MAPK10: variants seen among roughly 807,000 people sequenced by gnomAD.
The protein encoded by MAPK10 is mitogen-activated protein kinase 10, also known as JNK3 alpha protein kinase.
Under a neutral mutation model 59.3 loss-of-function variants are expected in MAPK10, and 25 were observed. The ratio of observed to expected loss-of-function variants is 0.42; its 90% CI spans 0.31 to 0.59. MAPK10 has a LOEUF of 0.59. Ranked by LOEUF, MAPK10 falls within the 20% of genes least tolerant of loss-of-function variation. The pLI, the probability that MAPK10 is intolerant of heterozygous loss-of-function variation, is 0.15. For synonymous variants in MAPK10, 190 were observed against 200.5 expected (o/e 0.95, Z 0.44); for missense variants, 351 against 568.9 (o/e 0.62, Z 3.90).
chr4:86,090,932 A>C (rs2052999197), intron 9 of MAPK10: 1 of 152,136 alleles, frequency 6.6e-6, no homozygotes, highest in South Asian at 2.1e-4. Flanking sequence ...GTTTTTTACA[A>C]TATCTCTGGC....
intron 2 of MAPK10, among the ~76,000 whole-genome samples, chr4:86,352,860 C>A (rs1252093323): frequency 6.6e-6 from 1 of 152,160 alleles, no homozygotes; most frequent in Non-Finnish European, 1.5e-5. Context: ...GAAACAAAAT[C>A]CAAACTCCTT....
At chr4:86,390,565 C>T (rs976196284) in intron 1 of MAPK10, among the ~76,000 whole-genome samples, 6 of 152,124 alleles carry the variant, frequency 3.9e-5, no homozygotes, top group Admixed American at 1.3e-4. Flanking sequence ...GTGTGCCTTC[C>T]TCAAGTCTGA....
intron 2 of MAPK10, among the ~76,000 whole-genome samples, chr4:86,226,035 TA>T (rs2090555541): frequency 6.6e-6 from 1 of 152,240 alleles, no homozygotes; most frequent in South Asian, 2.1e-4. Context: ...ACCTTTTGAT[TA>T]TGACAGCATA....
chr4:86,399,477 T>C (rs776765134), intron 1 of MAPK10, among the ~76,000 whole-genome samples: 3 of 152,206 alleles, frequency 2.0e-5, no homozygotes, highest in Non-Finnish European at 4.4e-5. Context: ...GTCAAGTTCT[T>C]ATAGATTCTG....
chr4:86,244,692 T>C (rs1048630788), intron 2 of MAPK10, among the ~76,000 whole-genome samples: 4 of 152,176 alleles, frequency 2.6e-5, no homozygotes, highest in Non-Finnish European at 1.5e-5. Context: ...GCATAAAGTG[T>C]GTACGTGCAT....
At chr4:86,184,272 A>G (rs966365675) in intron 3 of MAPK10, among the ~76,000 whole-genome samples, 2 of 151,918 alleles carry the variant, frequency 1.3e-5, no homozygotes, top group African/African-American at 4.8e-5. Context: ...TTATGGTTTT[A>G]TGTCGGTTGG....
chr4:86,233,086 G>A (rs1190629465), intron 2 of MAPK10, among the ~76,000 whole-genome samples: 1 of 152,162 alleles, frequency 6.6e-6, no homozygotes, highest in Admixed American at 6.5e-5. Flanking sequence ...CCATTTCGAA[G>A]ATGAGATCCA....
chr4:86,260,214 T>A (rs914268157), intron 2 of MAPK10, among the ~76,000 whole-genome samples: 1 of 152,118 alleles, frequency 6.6e-6, no homozygotes, highest in Non-Finnish European at 1.5e-5. Context: ...GGCTGTTTGA[T>A]TCTAGAGCTT....
At chr4:86,224,453 G>A (rs1163119031) in intron 2 of MAPK10, among the ~76,000 whole-genome samples, 2 of 152,170 alleles carry the variant, frequency 1.3e-5, no homozygotes. Context: ...GAAGGGAACA[G>A]AGTTCCAGGT....
chr4:86,308,050 C>G (rs1165166822), intron 2 of MAPK10, among the ~76,000 whole-genome samples: 1 of 151,930 alleles, frequency 6.6e-6, no homozygotes, highest in Non-Finnish European at 1.5e-5. Flanking sequence ...AAAGGCCTGT[C>G]GAAAATGACT....
At position 86,013,329 on chromosome 4, in the gene MAPK10, A is replaced by C. The variant is rs1403664724; in HGVS notation, c.*3899T>G. ...GGAAAATGTTGAACTCTTATAATTAAAATGTGTGTGGGGGATTGTGAGTGG... is the reference window on the plus strand; with the variant it reads ...GGAAAATGTTGAACTCTTATAATTACAATGTGTGTGGGGGATTGTGAGTGG... On this transcript the variant is annotated 3_prime_UTR_variant, in exon 14 of 14. Coordinates refer to ENST00000641462, the MANE Select transcript of MAPK10 (RefSeq NM_138982.4). 1 of 152,116 alleles carries C rather than the reference A, an allele frequency of 6.6e-6. No individual in the cohort carries two copies. The highest frequency in any genetic ancestry group is 1.9e-4 in the East Asian group (1 of 5,194). The allele number at this position is 152,116 out of a possible 1,614,324, so 9.4% of individuals were successfully genotyped here. A position where few individuals can be genotyped will look rare whatever the true frequency, so the allele number is the denominator to read the frequency against.
chr4:86,564,660 T>C (rs973827473), intron 1 of MAPK10, among the ~76,000 whole-genome samples: 3 of 152,160 alleles, frequency 2.0e-5, no homozygotes, highest in African/African-American at 7.2e-5. Context: ...CATGCACATA[T>C]AGCGCCATGA....
intron 11 of MAPK10, among the ~76,000 whole-genome samples, chr4:86,042,407 T>G (rs2041743688): frequency 6.6e-6 from 1 of 152,064 alleles, no homozygotes; most frequent in Admixed American, 6.6e-5. Flanking sequence ...GGTTGATAGG[T>G]GCAGCAAACC....
intron 2 of MAPK10, among the ~76,000 whole-genome samples, chr4:86,222,648 C>A (rs2089888149): frequency 6.6e-6 from 1 of 152,182 alleles, no homozygotes; most frequent in Non-Finnish European, 1.5e-5. Context: ...TAAAAATAAA[C>A]CTTTGTCTTT....
At chr4:86,552,190 C>A (rs529177132) in intron 1 of MAPK10, among the ~76,000 whole-genome samples, 1 of 151,574 alleles carries the variant, frequency 6.6e-6, no homozygotes, top group Non-Finnish European at 1.5e-5. Context: ...GAGGCCGAGG[C>A]GGGAGGATCT....
intron 4 of MAPK10, among the ~76,000 whole-genome samples, chr4:86,157,803 C>T (rs2068282101): frequency 6.6e-6 from 1 of 151,912 alleles, no homozygotes; most frequent in African/African-American, 2.4e-5. Context: ...ACTTCCTGAG[C>T]AAAATGCTGC....
chr4:86,281,901 C>A (rs1191419965), intron 2 of MAPK10, among the ~76,000 whole-genome samples: 1 of 152,004 alleles, frequency 6.6e-6, no homozygotes, highest in African/African-American at 2.4e-5. Flanking sequence ...CAACCCACTG[C>A]AAATCAAACA....
At chr4:86,336,451 C>T (rs1046060156) in intron 2 of MAPK10, 5 of 152,136 alleles carry the variant, frequency 3.3e-5, no homozygotes, top group African/African-American at 4.8e-5. Flanking sequence ...CACAGACTAC[C>T]GAACAGAGGA....
At chr4:86,355,180 C>T (rs1027233991) in intron 1 of MAPK10, among the ~76,000 whole-genome samples, 6 of 152,162 alleles carry the variant, frequency 3.9e-5, no homozygotes, top group African/African-American at 1.2e-4. Context: ...TACTTCCCAA[C>T]ATTATATTAG....
Sources: gnomAD v4.1 joint callset for allele counts (sites outside exome capture counted in the v4.1 genomes callset) on GRCh38, gnomAD v4.1.1 for gene constraint, MANE v1.5 for transcripts, NCBI Gene and HGNC (gene_info 2026-07-23, HGNC 2026-07-21) for gene names.